Variants in VAC14 observed in about 807,000 individuals in gnomAD.
VAC14 encodes VAC14 component of PIKFYVE complex.
Under a neutral mutation model 85.3 loss-of-function variants are expected in VAC14, and 47 were observed. That is an observed-to-expected ratio of 0.55 (90% CI 0.44 to 0.70). The LOEUF (loss-of-function observed/expected upper bound fraction) is 0.70, where lower values mean the gene tolerates loss of function less well. Ranked by LOEUF, VAC14 falls within the 30% of genes least tolerant of loss-of-function variation. VAC14 has a pLI of 0.00. For missense variants in VAC14, 861 were observed against 1,004.3 expected (o/e 0.86, Z 1.93); for synonymous variants, 447 against 430.5 (o/e 1.04, Z -0.47).
chr16:70,740,660 G>A (rs949491831), intron 13 of VAC14, among the ~76,000 whole-genome samples: 1 of 152,188 alleles, frequency 6.6e-6, no homozygotes, highest in Non-Finnish European at 1.5e-5. Context: ...GGAGATCCCA[G>A]GGGTGGGAGA....
In VAC14 at chr16:70,762,661, G is replaced by C. The variant is rs1282924841; in HGVS notation, c.1306-56C>G. ...AGTGCTCCCTTCGCCCCGGGACTAC[G>C]TGCAGTGCAGTGTCCCGCTGGTGTG... On this transcript the variant is annotated intron_variant, in intron 11 of 18. Transcript: ENST00000261776. This position sits in a 1 kb window ranked among gnomAD's most constrained non-coding sequence, Gnocchi z 4.1. 1.9e-6 allele frequency: 3 copies of C among 1,578,514 alleles called. No homozygotes were observed. Among genetic ancestry groups the C allele is most frequent in the East Asian group, 2.3e-5 (1 of 44,162 alleles).
In VAC14 at chr16:70,695,544, A is replaced by G; in HGVS notation, c.2035T>C (p.Tyr679His). The change falls in exon 17 of 19, where the codon TAT becomes CAT. Residue 679 changes from tyrosine (Y) to histidine (H), a missense_variant and splice_region_variant. Tyr to His is a moderately conservative substitution (Grantham distance 83). Coordinates refer to ENST00000261776, the MANE Select transcript of VAC14 (RefSeq NM_018052.5). ...AGGTGTGGTGGGAGGTGGTTCTTACATGTGAAGATGGGGCACTCAATCAGC... is the reference window on the plus strand; with the variant it reads ...AGGTGTGGTGGGAGGTGGTTCTTACGTGTGAAGATGGGGCACTCAATCAGC... Reference protein sequence around the residue: ...VQLIECPIFTYLRLQLLDVKN... With the variant: ...VQLIECPIFTHLRLQLLDVKN... 1 of 1,613,870 alleles carries G rather than the reference A, an allele frequency of 6.2e-7. No homozygotes were observed. The highest frequency in any genetic ancestry group is 8.5e-7 in the Non-Finnish European group (1 of 1,179,882).
rs1248946055 is a variant in VAC14, at chr16:70,731,525, A to G, written c.1631T>C (p.Leu544Pro). The G allele has an allele frequency of 6.2e-7, 1 of 1,614,154 alleles. No individual in the cohort carries two copies. The highest frequency in any genetic ancestry group is 8.5e-7 in the Non-Finnish European group (1 of 1,179,980). The change falls in exon 14 of 19, where the codon CTC becomes CCC. Residue 544 changes from leucine to proline, a missense_variant. Leu to Pro is a moderately conservative substitution (Grantham distance 98, BLOSUM62 -3). Coordinates refer to ENST00000261776, the MANE Select transcript of VAC14 (RefSeq NM_018052.5). ...GATGAAAGGGCCTCTGACCTCCAGGAGCTTCCGTTCGCTGCTGAATCTCTT... is the reference window on the plus strand; with the variant it reads ...GATGAAAGGGCCTCTGACCTCCAGGGGCTTCCGTTCGCTGCTGAATCTCTT... ...LLKRFSSERKLLEVRGPFIIR... is the reference protein window; with the variant it reads ...LLKRFSSERKPLEVRGPFIIR...
At chr16:70,714,268 C>T (rs1225083997) in intron 14 of VAC14, 1 of 152,204 alleles carries the variant, frequency 6.6e-6, no homozygotes, top group African/African-American at 2.4e-5. Context: ...CTGAGGATCC[C>T]CACAGGGGTA....
Position 70,762,883 on chromosome 16 carries a change from T to G in VAC14, c.1303A>C (p.Lys435Gln). 2 of 1,614,180 alleles carry G rather than the reference T, an allele frequency of 1.2e-6. No individual in the cohort carries two copies. The highest frequency in any genetic ancestry group is 1.7e-6 in the Non-Finnish European group (2 of 1,180,032). ...GCTTGGAGGGGCCCAGGGCTCACCT[T>G]CCGAGGAGTTTTGATGTAGAGGTGG... ...LYHLYIKTPRKMFRHTDSLFP... is the reference protein window; with the variant it reads ...LYHLYIKTPRQMFRHTDSLFP... Residue 435 changes from lysine (K) to glutamine (Q), a missense_variant and splice_region_variant, in exon 11 of 19, where the codon AAG becomes CAG. Transcript: ENST00000261776. This position sits in a 1 kb window ranked among gnomAD's most constrained non-coding sequence, Gnocchi z 4.1.
rs761901472 is a variant in VAC14 at position 70,692,849 on chromosome 16, C to G, written c.2158G>C (p.Val720Leu). The stretch of plus-strand genomic sequence containing the variant: ...GTCTGCAGCAGCTCAGGGTTGGGCA[C>G]GCACTGGAGCCGGTGCGAGAGCAGC... ...FQLLSHRLQC[V>L]PNPELLQTED... is the part of the protein sequence containing the mutation. The change falls in exon 18 of 19, where the codon GTG becomes CTG. Residue 720 changes from valine to leucine, a missense_variant. Around this residue, in one of 3 missense-constraint regions of VAC14, gnomAD observed 163 missense variants for 162.2 expected, o/e 1.00. Coordinates refer to ENST00000261776, the MANE Select transcript of VAC14 (RefSeq NM_018052.5). The G allele has an allele frequency of 2.1e-5, 33 of 1,602,452 alleles. No homozygotes were observed. The highest frequency in any genetic ancestry group is 2.7e-5 in the Non-Finnish European group (32 of 1,176,514).
At chr16:70,789,493 T>G (rs2034228356) in intron 1 of VAC14, among the ~76,000 whole-genome samples, 1 of 152,142 alleles carries the variant, frequency 6.6e-6, no homozygotes, top group Non-Finnish European at 1.5e-5. Flanking sequence ...CGCACACAGC[T>G]GCTCACATCT....
chr16:70,759,692 C>T (rs775105896), intron 12 of VAC14, among the ~76,000 whole-genome samples: 76 of 152,126 alleles, frequency 5.0e-4, no homozygotes, highest in Non-Finnish European at 9.7e-4. Flanking sequence ...CCTCTCCATA[C>T]TCTCCACGCT....
At position 70,762,570 on chromosome 16, in the gene VAC14, T is replaced by C. The variant is rs374750789; in HGVS notation, c.1341A>G (p.Leu447=). 1.9e-6 allele frequency: 3 copies of C among 1,614,002 alleles called. No individual in the cohort carries two copies. Among genetic ancestry groups the C allele is most frequent in the African/African-American group, 1.3e-5 (1 of 75,006 alleles). The change falls in exon 12 of 19, where the codon CTA becomes CTG. Residue 447 remains leucine, a synonymous_variant. Transcript: ENST00000261776. The surrounding 1 kb of genome is among the most constrained non-coding windows in gnomAD (Gnocchi z 4.1). ...CCGATTCATCCGATAACGTCTGCAG[T>C]AGGATGGGAAAGAGGCTGTCCGTGT... The part of the protein sequence containing the change: ...FRHTDSLFPI[L]LQTLSDESDE...
At chr16:70,710,689 G>A (rs1391490454) in intron 14 of VAC14, among the ~76,000 whole-genome samples, 2 of 152,214 alleles carry the variant, frequency 1.3e-5, no homozygotes, top group Non-Finnish European at 1.5e-5. Flanking sequence ...TGCCTCGTCG[G>A]TGCTGGACCA....
intron 12 of VAC14, among the ~76,000 whole-genome samples, chr16:70,753,442 C>A (rs1040152583): frequency 3.3e-5 from 5 of 152,186 alleles, no homozygotes; most frequent in African/African-American, 1.2e-4. Context: ...CAACACATGA[C>A]TTGCAAGAAA....
At chr16:70,725,992 G>C (rs2054416532) in intron 14 of VAC14, among the ~76,000 whole-genome samples, 2 of 152,274 alleles carry the variant, frequency 1.3e-5, no homozygotes, top group African/African-American at 4.8e-5. Context: ...TGAAGCCAAA[G>C]CGCGGCTGGC....
At chr16:70,760,277 C>T (rs372661334) in intron 12 of VAC14, among the ~76,000 whole-genome samples, 31 of 152,280 alleles carry the variant, frequency 2.0e-4, no homozygotes, top group African/African-American at 4.8e-4. Context: ...TTTGGAAATA[C>T]TTGAAAAATC....
chr16:70,701,256 C>A (rs1279365132), intron 14 of VAC14, among the ~76,000 whole-genome samples: 1 of 152,194 alleles, frequency 6.6e-6, no homozygotes, highest in Non-Finnish European at 1.5e-5. Flanking sequence ...CGGCCCTGAG[C>A]CCCTGCTGGG....
intron 10 of VAC14, chr16:70,768,878 G>A: frequency 2.2e-6 from 1 of 450,272 alleles, no homozygotes; most frequent in Non-Finnish European, 4.4e-6. Context: ...TCGGCTCACT[G>A]AAACCTCCGC....
chr16:70,753,085 T>C (rs1322594866), intron 12 of VAC14, among the ~76,000 whole-genome samples: 1 of 151,792 alleles, frequency 6.6e-6, no homozygotes, highest in Non-Finnish European at 1.5e-5. Context: ...TCATGGAGCA[T>C]ATAAGTGAGA....
chr16:70,782,624 GGTGACCCACAGACTTATGATAA>G (rs1360977246), intron 7 of VAC14, among the ~76,000 whole-genome samples: 16 of 152,350 alleles, frequency 1.1e-4, no homozygotes, highest in African/African-American at 3.8e-4. Context: ...GAACCACCCA[GGTGACCCACAGACTTATGATAA>G]GTGACTGCTG....
intron 9 of VAC14, among the ~76,000 whole-genome samples, chr16:70,775,740 C>T (rs1304944267): frequency 6.6e-6 from 1 of 152,196 alleles, no homozygotes; most frequent in Non-Finnish European, 1.5e-5. Context: ...ACTCCATGCC[C>T]CTGGAGGGCA....
intron 13 of VAC14, among the ~76,000 whole-genome samples, chr16:70,735,500 T>C (rs1040099828): frequency 1.4e-4 from 21 of 152,206 alleles, no homozygotes; most frequent in Non-Finnish European, 1.9e-4. Flanking sequence ...AAGACTCTCC[T>C]CCCAGGAGCT....
Sources: allele counts gnomAD v4.1 joint callset (sites outside exome capture counted in the v4.1 genomes callset), GRCh38; gene constraint gnomAD v4.1.1; regional missense constraint gnomAD v4.1.1; non-coding constraint Gnocchi (gnomAD v3.1); transcripts MANE v1.5; gene names NCBI Gene and HGNC (gene_info 2026-07-23, HGNC 2026-07-21).